Variants in PEX5 observed in about 807,000 individuals in gnomAD.
PEX5 encodes the protein PTS1 receptor.
PEX5 carries 52 observed loss-of-function variants against 82.9 expected under a neutral mutation model. The ratio of observed to expected loss-of-function variants is 0.63; its 90% CI spans 0.50 to 0.79. The LOEUF (loss-of-function observed/expected upper bound fraction) is 0.79, where lower values mean the gene tolerates loss of function less well. Ranked by LOEUF, PEX5 falls within the 30% of genes least tolerant of loss-of-function variation. PEX5 has a pLI of 0.00. For synonymous variants in PEX5, 300 were observed against 318.8 expected, an observed-to-expected ratio of 0.94 and a Z score of 0.63; for missense variants, 719 against 815.2, an observed-to-expected ratio of 0.88 and a Z score of 1.44.
chr12:7,193,395 G>A (rs912557338), intron 5 of PEX5, among the ~76,000 whole-genome samples: 2 of 151,928 alleles, frequency 1.3e-5, no homozygotes, highest in Non-Finnish European at 2.9e-5. Context: ...CACCATGCCC[G>A]GCTAATTTTG....
chr12:7,190,963 GC>G, intron 3 of PEX5, 40 bp downstream of exon 3: 1 of 1,587,820 alleles, frequency 6.3e-7, no homozygotes, highest in Non-Finnish European at 8.6e-7. Context: ...TTTTTCTCTT[GC>G]CCACTGTGTT....
intron 12 of PEX5, 47 bp from the exon 13 acceptor site, chr12:7,208,410 G>A (rs1945087939): frequency 7.0e-7 from 1 of 1,425,766 alleles, no homozygotes; most frequent in Non-Finnish European, 9.9e-7. Flanking sequence ...ACATGTGCCA[G>A]TGTCAGTCAT....
At chr12:7,201,228 CGTATACATAT>C (rs1245596157) in intron 6 of PEX5, among the ~76,000 whole-genome samples, 2 of 150,698 alleles carry the variant, frequency 1.3e-5, no homozygotes, top group Non-Finnish European at 3.0e-5. Context: ...TATATACACA[CGTATACATAT>C]GTAAACATGT....
At chr12:7,196,473 AATT>A (rs1401195963) in intron 5 of PEX5, among the ~76,000 whole-genome samples, 2 of 134,910 alleles carry the variant, frequency 1.5e-5, no homozygotes, top group Non-Finnish European at 3.1e-5. Context: ...ATAATGTAAT[AATT>A]ACATCATATA....
In PEX5 at chr12:7,202,303, G is replaced by A. The variant is rs184234003; in HGVS notation, c.705G>A (p.Ser235=). The change falls in exon 8 of 16, where the codon TCG becomes TCA. Residue 235 remains serine (S), a synonymous_variant. Transcript: ENST00000675855. Reference sequence around the variant, plus strand: ...TGTCCCTGGAGTCCGGTGCAGGGTCGGGCCGAGCTCAGGCAGAACAGTGGG... The same window carrying A: ...TGTCCCTGGAGTCCGGTGCAGGGTCAGGCCGAGCTCAGGCAGAACAGTGGG... ...GQVSLESGAG[S]GRAQAEQWAA... 7.1e-5 allele frequency: 114 copies of A among 1,614,080 alleles called. No individual in the cohort carries two copies. Among genetic ancestry groups the A allele is most frequent in the Admixed American group, 3.7e-4 (22 of 60,010 alleles).
Position 7,202,297 on chromosome 12 carries a change from A to C in PEX5, c.699A>C (p.Ala233=). ...GEGQVSLESG[A]GSGRAQAEQW... is the part of the protein sequence containing the mutation. ...GGCAGGTGTCCCTGGAGTCCGGTGC[A>C]GGGTCGGGCCGAGCTCAGGCAGAAC... is the stretch of plus-strand genomic sequence containing the variant. Residue 233 remains alanine (A), a synonymous_variant, in exon 8 of 16, where the codon GCA becomes GCC. Transcript: ENST00000675855. The C allele has an allele frequency of 2.5e-6, 4 of 1,614,110 alleles. No individual in the cohort carries two copies. The highest frequency in any genetic ancestry group is 3.4e-6 in the Non-Finnish European group (4 of 1,180,014).
chr12:7,212,189 G>A (rs909342075), downstream of PEX5, among the ~76,000 whole-genome samples: 3 of 151,618 alleles, frequency 2.0e-5, no homozygotes, highest in Admixed American at 6.6e-5. Flanking sequence ...GGTCTCGAAC[G>A]CCCGACCTCA....
Position 7,203,568 on chromosome 12 carries a change from T to TAG in PEX5, c.966+18_966+19dup, listed in dbSNP as rs781032142. On this transcript the variant is annotated intron_variant, in intron 10 of 15. Transcript: ENST00000675855. ...TATGATAAGGTGAGGTAAAAACTCT[T>TAG]AGTTTTTCAGGTTCCAGAACTTCCT... The TAG allele has an allele frequency of 3.1e-6, 5 of 1,611,076 alleles. No homozygotes were observed. In the African/African-American group the frequency reaches 5.3e-5, roughly 17 times the overall value.
chr12:7,216,123 A>G (rs1258430377), downstream of PEX5, among the ~76,000 whole-genome samples: 1 of 152,160 alleles, frequency 6.6e-6, no homozygotes, highest in East Asian at 1.9e-4. Context: ...GCCTGCCACC[A>G]TGCCAGGCTA....
At chr12:7,191,162 G>A in intron 3 of PEX5, 64 bp from the exon 4 acceptor site, 1 of 1,594,742 alleles carries the variant, frequency 6.3e-7, no homozygotes. Flanking sequence ...CCCTCCAGTG[G>A]GTCCTGCCTC....
Position 7,210,886 on chromosome 12 carries a change from G to T in PEX5, c.*663G>T, listed in dbSNP as rs1028519726. The T allele has an allele frequency of 6.0e-6, 1 of 167,206 alleles. No homozygotes were observed. Among genetic ancestry groups the T allele is most frequent in the African/African-American group, 2.4e-5 (1 of 41,686 alleles). 10.4% of individuals were successfully genotyped at this position (167,206 alleles called of 1,614,324 possible). ...AGCTGCCAGGGCCAATTGCTACAGA[G>T]TGTCTGGGTGTGTGGCATAGGAGGA... is the stretch of plus-strand genomic sequence containing the variant. On this transcript the variant is annotated 3_prime_UTR_variant, in exon 16 of 16. Transcript: ENST00000675855.
chr12:7,212,506 A>ACAGGT (rs1344517551), downstream of PEX5, among the ~76,000 whole-genome samples: 1 of 138,826 alleles, frequency 7.2e-6, no homozygotes, highest in Non-Finnish European at 1.6e-5. Flanking sequence ...AACAAAAAAA[A>ACAGGT]CAGGTCTAAA....
chr12:7,214,449 A>C (rs189492718), downstream of PEX5, among the ~76,000 whole-genome samples: 1 of 151,664 alleles, frequency 6.6e-6, no homozygotes, highest in South Asian at 2.1e-4. Context: ...AATCATTCTC[A>C]GTAAACTATC....
chr12:7,191,923 C>G (rs759626824), intron 5 of PEX5, among the ~76,000 whole-genome samples: 1 of 152,126 alleles, frequency 6.6e-6, no homozygotes, highest in African/African-American at 2.4e-5. Context: ...ATAGAGAGAA[C>G]GAAGAGTTTG....
chr12:7,198,558 C>T lies in PEX5; in HGVS notation c.449-453C>T, dbSNP rs752563862. ...TACAATGAAATAAGGCTCCTTTGGC[C>T]GGGATTGTGTGAACTCTGGGTAGAG... On this transcript the variant is annotated intron_variant, in intron 5 of 15. Transcript: ENST00000675855. 9.9e-5 allele frequency among the ~76,000 whole-genome samples: 15 copies of T among 152,186 alleles called. No individual in the cohort carries two copies. In the South Asian group the frequency reaches 1.9e-3, roughly 19 times the overall value.
intron 6 of PEX5, among the ~76,000 whole-genome samples, chr12:7,201,208 C>T (rs754936330): frequency 1.2e-4 from 18 of 150,392 alleles, no homozygotes; most frequent in African/African-American, 4.1e-4. Context: ...CATACATGTG[C>T]ACATACATGT....
chr12:7,194,804 T>G (rs781625940), intron 5 of PEX5, among the ~76,000 whole-genome samples: 12 of 152,312 alleles, frequency 7.9e-5, no homozygotes, highest in Non-Finnish European at 2.9e-5. Context: ...AGAAGATAAT[T>G]GGCAACAGAT....
chr12:7,208,716 C>A, intron 13 of PEX5, 47 bp downstream of exon 13: 1 of 1,495,230 alleles, frequency 6.7e-7, no homozygotes, highest in Non-Finnish European at 9.3e-7. Context: ...TAACCTAAGT[C>A]CCAGTAGGAG....
Position 7,210,634 on chromosome 12 carries a change from G to A in PEX5, c.*411G>A. ...ATTGATAGTCCAGCTTCCTTGGGCA[G>A]TGTAAGTAGGAGGTTCATCTGCTGT... On this transcript the variant is annotated 3_prime_UTR_variant, in exon 16 of 16. Transcript: ENST00000675855. The A allele has an allele frequency of 6.0e-6, 2 of 331,800 alleles. No homozygotes were observed. Among genetic ancestry groups the A allele is most frequent in the Admixed American group, 4.3e-5 (1 of 23,174 alleles). 20.6% of individuals were successfully genotyped at this position (331,800 alleles called of 1,614,324 possible).
Sources: allele counts gnomAD v4.1 joint callset (sites outside exome capture counted in the v4.1 genomes callset), GRCh38; gene constraint gnomAD v4.1.1; transcripts MANE v1.5; gene names NCBI Gene and HGNC (gene_info 2026-07-23, HGNC 2026-07-21).